Variants in SERINC5 observed in about 807,000 individuals in gnomAD.
SERINC5 encodes chromosome 5 open reading frame 12.
Under a neutral mutation model 63.1 loss-of-function variants are expected in SERINC5, and 41 were observed. That is an observed-to-expected ratio of 0.65 (90% CI 0.51 to 0.84). SERINC5 has a LOEUF of 0.84. Ranked by LOEUF, SERINC5 falls within the 40% of genes least tolerant of loss-of-function variation. The pLI is 0.00. For missense variants in SERINC5, 523 were observed against 573.0 expected, an observed-to-expected ratio of 0.91 and a Z score of 0.89; for synonymous variants, 222 against 215.2, an observed-to-expected ratio of 1.03 and a Z score of -0.28.
chr5:80,162,282 C>CTA (rs1388742313), intron 7 of SERINC5, among the ~76,000 whole-genome samples: 1 of 152,208 alleles, frequency 6.6e-6, no homozygotes, highest in Non-Finnish European at 1.5e-5. Context: ...AGCGCTAAAT[C>CTA]TGTAAGACTG....
chr5:80,178,535 G>GTTTTTTTTTT (rs1341563769), intron 2 of SERINC5, among the ~76,000 whole-genome samples: 2 of 81,560 alleles, frequency 2.5e-5, no homozygotes, highest in African/African-American at 8.9e-5. Flanking sequence ...GCTAATTTTT[G>GTTTTTTTTTT]TATTTTTTTT....
chr5:80,140,361 A>T lies in SERINC5; in HGVS notation c.*3302T>A. The T allele has an allele frequency of 1.1e-6, 1 of 938,390 alleles. No homozygotes were observed. The highest frequency in any genetic ancestry group is 1.3e-6 in the Non-Finnish European group (1 of 791,820). 58.1% of individuals were successfully genotyped at this position (938,390 alleles called of 1,614,324 possible). On this transcript the variant is annotated 3_prime_UTR_variant, in exon 12 of 12. Transcript: ENST00000507668. ...TTAGGGTGACAATTTTGACATGGGG[A>T]CAGGAAATTAACATTACACTGAGGT... is the stretch of plus-strand genomic sequence containing the variant.
intron 8 of SERINC5, among the ~76,000 whole-genome samples, chr5:80,152,693 C>T (rs1057507023): frequency 1.3e-5 from 2 of 152,188 alleles, no homozygotes; most frequent in African/African-American, 2.4e-5. Flanking sequence ...GTAATCCCAG[C>T]ACTTTGGGAG....
intron 1 of SERINC5, among the ~76,000 whole-genome samples, chr5:80,255,465 G>A (rs1160024174): frequency 1.3e-5 from 2 of 152,156 alleles, no homozygotes; most frequent in Admixed American, 6.5e-5. Context: ...TTTGACCCGA[G>A]TTTTATTCAG....
intron 11 of SERINC5, among the ~76,000 whole-genome samples, chr5:80,120,502 A>T (rs1744498389): frequency 6.6e-6 from 1 of 152,166 alleles, no homozygotes; most frequent in Non-Finnish European, 1.5e-5. Flanking sequence ...ATACCATATT[A>T]GGTTATAATA....
chr5:80,209,793 A>C (rs112464026), intron 1 of SERINC5, among the ~76,000 whole-genome samples: 15,442 of 152,162 alleles, frequency 0.1, 852 homozygotes, highest in East Asian at 0.15. Context: ...TAATCCCAGC[A>C]CTTTGGGAGG....
chr5:80,125,648 T>G (rs1744719360), intron 11 of SERINC5, among the ~76,000 whole-genome samples: 1 of 152,160 alleles, frequency 6.6e-6, no homozygotes, highest in Non-Finnish European at 1.5e-5. Context: ...TTTGCATTAT[T>G]GAAAGCTCAC....
Position 80,130,399 on chromosome 5 carries a change from T to C in SERINC5, c.1238+15691A>G, listed in dbSNP as rs576802761. Among the ~76,000 whole-genome samples the C allele has an allele frequency of 9.2e-5, 14 of 152,138 alleles. No homozygotes were observed. The East Asian group carries it at 2.5e-3, about 27-fold the overall frequency. Reference sequence around the variant, plus strand: ...CATCTCAAAAAAAAAAAAGAAGGCATTTTAATTACTAAATATATTGCTGGT... The same window carrying C: ...CATCTCAAAAAAAAAAAAGAAGGCACTTTAATTACTAAATATATTGCTGGT... On this transcript the variant is annotated intron_variant, in intron 11 of 12. Transcript: ENST00000509193.
At chr5:80,161,392 G>C (rs1285824458) in intron 7 of SERINC5, among the ~76,000 whole-genome samples, 1 of 151,644 alleles carries the variant, frequency 6.6e-6, no homozygotes, top group Non-Finnish European at 1.5e-5. Context: ...TAGCCACTCT[G>C]ACTGGTGTGA....
At position 80,177,984 on chromosome 5, in the gene SERINC5, A is replaced by G; in HGVS notation, c.276T>C (p.Tyr92=). ...AACAAGCCATTCCAAAACAGACTCT[A>G]TACACGGCAGAATATCCCACCAGCT... ...CEKLVGYSAV[Y]RVCFGMACFF... is the part of the protein sequence containing the mutation. The change falls in exon 3 of 12, where the codon TAT becomes TAC. Residue 92 remains tyrosine (Y), a synonymous_variant. Transcript: ENST00000507668. The G allele has an allele frequency of 6.2e-7, 1 of 1,612,780 alleles. No individual in the cohort carries two copies. The highest frequency in any genetic ancestry group is 8.5e-7 in the Non-Finnish European group (1 of 1,179,288).
intron 11 of SERINC5, among the ~76,000 whole-genome samples, chr5:80,118,017 A>G (rs1218525209): frequency 6.6e-6 from 1 of 152,162 alleles, no homozygotes; most frequent in Non-Finnish European, 1.5e-5. Context: ...AGCCTGGTCA[A>G]CATGGTGAAA....
chr5:80,178,510 G>A (rs1250961942), intron 2 of SERINC5, among the ~76,000 whole-genome samples: 1 of 147,202 alleles, frequency 6.8e-6, no homozygotes, highest in Non-Finnish European at 1.5e-5. Context: ...CTACAGGCAC[G>A]CACCACCATG....
At chr5:80,129,321 CAG>C (rs1205756723) in intron 11 of SERINC5, 1 of 152,304 alleles carries the variant, frequency 6.6e-6, no homozygotes, top group Non-Finnish European at 1.5e-5. Flanking sequence ...GTTTTAGAGA[CAG>C]GGTCTCCCTC....
chr5:80,144,049 A>G (rs994319558), intron 11 of SERINC5, among the ~76,000 whole-genome samples: 29 of 138,376 alleles, frequency 2.1e-4, no homozygotes, highest in Admixed American at 2.1e-3. Context: ...CGCATTCACC[A>G]ATCTACTTTC....
chr5:80,239,136 A>G (rs1751840658), intron 1 of SERINC5, among the ~76,000 whole-genome samples: 1 of 152,230 alleles, frequency 6.6e-6, no homozygotes, highest in Non-Finnish European at 1.5e-5. Context: ...TAGCTCCAGA[A>G]TTAGACTGTG....
At chr5:80,213,583 T>G (rs1580176091) in intron 1 of SERINC5, among the ~76,000 whole-genome samples, 1 of 152,166 alleles carries the variant, frequency 6.6e-6, no homozygotes, top group African/African-American at 2.4e-5. Context: ...CAGGCTACAC[T>G]GGAAAAAGGA....
intron 11 of SERINC5, among the ~76,000 whole-genome samples, chr5:80,133,569 A>G (rs1745034471): frequency 6.6e-6 from 1 of 152,228 alleles, no homozygotes; most frequent in South Asian, 2.1e-4. Flanking sequence ...TTAGAAGAAT[A>G]TAGAGGGCCC....
chr5:80,209,410 C>T (rs891871155), intron 1 of SERINC5, among the ~76,000 whole-genome samples: 2 of 152,148 alleles, frequency 1.3e-5, no homozygotes, highest in Admixed American at 1.3e-4. Flanking sequence ...GGAGAGAGGC[C>T]TCAGAAGAAA....
intron 1 of SERINC5, among the ~76,000 whole-genome samples, chr5:80,229,050 T>TGGGTGGGGGG (rs1751304306): frequency 2.1e-5 from 2 of 94,164 alleles, no homozygotes; most frequent in East Asian, 3.5e-4. Context: ...TTTTTTTTTT[T>TGGGTGGGGGG]GGGGATGGAG....
Sources: allele counts gnomAD v4.1 joint callset (sites outside exome capture counted in the v4.1 genomes callset), GRCh38; gene constraint gnomAD v4.1.1; transcripts MANE v1.5; gene names NCBI Gene and HGNC (gene_info 2026-07-23, HGNC 2026-07-21).